The following CPS1 variants were observed in gnomAD, a reference collection of about 807,000 sequenced individuals.
CPS1 encodes carbamoyl-phosphate synthase 1, also known as carbamoyl-phosphate synthase [ammonia], mitochondrial.
A neutral mutation model predicts 174.6 loss-of-function variants in CPS1; 109 were observed. The ratio of observed to expected loss-of-function variants is 0.62; its 90% confidence interval spans 0.53 to 0.73. CPS1 has a LOEUF of 0.73. Among genes scored for constraint, CPS1 ranks in the 30% least tolerant of loss-of-function variants. The pLI is 0.00. For missense variants in CPS1, 1,689 were observed against 1,821.9 expected (o/e 0.93, Z 1.33); for synonymous variants, 637 against 632.0 (o/e 1.01, Z -0.12).
chr2:210,567,079 G>A (rs888470508), intron 1 of CPS1, among the ~76,000 whole-genome samples: 1 of 152,058 alleles, frequency 6.6e-6, no homozygotes, highest in African/African-American at 2.4e-5. Context: ...TATCAGTAAA[G>A]TAATGGCAGA....
At chr2:210,646,243 T>A (rs1012393560) in intron 25 of CPS1, among the ~76,000 whole-genome samples, 3 of 152,170 alleles carry the variant, frequency 2.0e-5, no homozygotes, top group Non-Finnish European at 4.4e-5. Context: ...TTAACAACAC[T>A]GCTGATAAAC....
chr2:210,558,897 T>C (rs1697009969), intron 1 of CPS1, among the ~76,000 whole-genome samples: 1 of 152,054 alleles, frequency 6.6e-6, no homozygotes, highest in Admixed American at 6.6e-5. Flanking sequence ...TAAGCCATCA[T>C]TTCATGGTGT....
rs759086830 is a variant in CPS1, at chr2:210,637,850, G to C, written c.2829+7G>C. ...CCACCCTTGGGTTAAACAGGTAAAG[G>C]AGTTTCCCTTTTCCCCCATCCCCCA... On this transcript the variant is annotated splice_region_variant and intron_variant, in intron 22 of 37. Coordinates refer to ENST00000233072, the MANE Select transcript of CPS1 (RefSeq NM_001875.5). The C allele has an allele frequency of 4.3e-6, 7 of 1,613,742 alleles. No homozygotes were observed. In the South Asian group the frequency reaches 7.7e-5, roughly 18 times the overall value.
At chr2:210,545,358 A>G (rs953632534) in intron 1 of CPS1, among the ~76,000 whole-genome samples, 1 of 152,052 alleles carries the variant, frequency 6.6e-6, no homozygotes, top group African/African-American at 2.4e-5. Flanking sequence ...AAATTTTATT[A>G]TTCCTGAGTT....
intron 1 of CPS1, among the ~76,000 whole-genome samples, chr2:210,547,372 A>G (rs1696591962): frequency 6.6e-6 from 1 of 152,098 alleles, no homozygotes; most frequent in Non-Finnish European, 1.5e-5. Flanking sequence ...TTTAACTTGG[A>G]GTTGTTTAAA....
chr2:210,498,337 G>C (rs1464667651), intron 1 of CPS1, among the ~76,000 whole-genome samples: 1 of 151,926 alleles, frequency 6.6e-6, no homozygotes, highest in Non-Finnish European at 1.5e-5. Flanking sequence ...GCAGTGTTTT[G>C]TAGTAGTTCT....
In CPS1 at chr2:210,677,877, A is replaced by AT; in HGVS notation, c.4405-9dup. ...ATGGAGGGTGCTGATTCCTACCATT[A>AT]TATTTTCAGGTGACCAAACTTTTTG... On this transcript the variant is annotated splice_polypyrimidine_tract_variant and intron_variant, in intron 37 of 37. Coordinates refer to ENST00000233072, the MANE Select transcript of CPS1 (RefSeq NM_001875.5). 6.2e-7 allele frequency: 1 copy of AT among 1,606,318 alleles called. No individual in the cohort carries two copies. The highest frequency in any genetic ancestry group is 8.5e-7 in the Non-Finnish European group (1 of 1,172,862).
intron 21 of CPS1, among the ~76,000 whole-genome samples, chr2:210,625,480 G>A (rs979340567): frequency 1.5e-4 from 23 of 152,152 alleles, no homozygotes; most frequent in Admixed American, 1.1e-3. Flanking sequence ...GGAGGTATGT[G>A]TCTCTATCCC....
chr2:210,653,855 A>G (rs1441844063), intron 28 of CPS1, among the ~76,000 whole-genome samples, 170 bp from the exon 29 acceptor site: 1 of 152,174 alleles, frequency 6.6e-6, no homozygotes, highest in African/African-American at 2.4e-5. Context: ...GCAAAGAACA[A>G]CCTTGTTCTT....
At chr2:210,507,022 G>C (rs1695306074) in intron 1 of CPS1, among the ~76,000 whole-genome samples, 1 of 152,170 alleles carries the variant, frequency 6.6e-6, no homozygotes, top group African/African-American at 2.4e-5. Flanking sequence ...AGGAAATACA[G>C]AGAACGCCAC....
intron 1 of CPS1, among the ~76,000 whole-genome samples, chr2:210,517,740 A>G (rs1226740905): frequency 6.6e-6 from 1 of 151,734 alleles, no homozygotes; most frequent in Non-Finnish European, 1.5e-5. Context: ...TAGCTTTTGA[A>G]TTTTTTTCCT....
At chr2:210,579,856 G>A (rs1697855730) in intron 5 of CPS1, 86 bp downstream of exon 5, 9 of 1,089,662 alleles carry the variant, frequency 8.3e-6, no homozygotes, top group Non-Finnish European at 9.8e-6. Flanking sequence ...AGTGCCTAAG[G>A]GATCCATTAA....
intron 23 of CPS1, among the ~76,000 whole-genome samples, chr2:210,639,565 T>C (rs1356367853): frequency 7.0e-6 from 1 of 142,116 alleles, no homozygotes; most frequent in Non-Finnish European, 1.5e-5. Context: ...TGAGCCGAGA[T>C]TGCGCCACTG....
intron 11 of CPS1, 61 bp downstream of exon 11, chr2:210,593,017 T>A: frequency 7.0e-7 from 1 of 1,423,102 alleles, no homozygotes; most frequent in Non-Finnish European, 9.9e-7. Context: ...GTGTGGAAAT[T>A]CGAGAAACCA....
chr2:210,659,692 C>T (rs1700851816), intron 31 of CPS1, among the ~76,000 whole-genome samples: 1 of 152,134 alleles, frequency 6.6e-6, no homozygotes, highest in Non-Finnish European at 1.5e-5. Context: ...TCAAAAAATA[C>T]TGTAATTTAG....
intron 19 of CPS1, among the ~76,000 whole-genome samples, chr2:210,609,595 TCA>T (rs1007905034): frequency 2.0e-5 from 3 of 151,984 alleles, no homozygotes; most frequent in African/African-American, 2.4e-5. Flanking sequence ...TGAACAAATC[TCA>T]GTCTTTCTCT....
Position 210,677,057 on chromosome 2 carries a change from A to G in CPS1, c.4325A>G (p.Asn1442Ser). 1.2e-6 allele frequency: 2 copies of G among 1,613,670 alleles called. No individual in the cohort carries two copies. The highest frequency in any genetic ancestry group is 1.7e-4 in the Middle Eastern group (1 of 6,060). The change falls in exon 37 of 38, where the codon AAC becomes AGC. Residue 1442 changes from asparagine (N) to serine (S), a missense_variant. By Grantham distance (46) the Asn-to-Ser change is conservative (BLOSUM62 1). Transcript: ENST00000233072. Reference protein sequence around the residue: ...IDLVINLPNNNTKFVHDNYVI... With the variant: ...IDLVINLPNNSTKFVHDNYVI... ...CTAGTGATTAACCTTCCCAACAACAACACTAAATTTGTCCATGATAATTAT... is the reference window on the plus strand; with the variant it reads ...CTAGTGATTAACCTTCCCAACAACAGCACTAAATTTGTCCATGATAATTAT...
intron 13 of CPS1, 74 bp from the exon 14 acceptor site, chr2:210,599,298 T>A (rs1698617214): frequency 5.0e-6 from 7 of 1,396,668 alleles, no homozygotes; most frequent in Middle Eastern, 2.1e-4. Context: ...TTACCCCATG[T>A]CTTTTTATTT....
At chr2:210,598,113 G>A (rs1366155125) in intron 13 of CPS1, among the ~76,000 whole-genome samples, 1 of 151,442 alleles carries the variant, frequency 6.6e-6, no homozygotes, top group Admixed American at 6.6e-5. Context: ...TTTATTTTAG[G>A]TCTGGGGGTT....
Sources: allele counts gnomAD v4.1 joint callset (sites outside exome capture counted in the v4.1 genomes callset), GRCh38; gene constraint gnomAD v4.1.1; transcripts MANE v1.5; gene names NCBI Gene and HGNC (gene_info 2026-07-23, HGNC 2026-07-21).